The following SRGAP3 variants were observed in gnomAD, a reference collection of about 807,000 sequenced individuals.
The protein encoded by SRGAP3 is SLIT-ROBO Rho GTPase-activating protein 3.
SRGAP3 carries 39 observed loss-of-function variants against 121.1 expected under a neutral mutation model. The ratio of observed to expected loss-of-function variants is 0.32; its 90% CI spans 0.25 to 0.42. The LOEUF is 0.42. Ranked by LOEUF, SRGAP3 falls within the 10% of genes least tolerant of loss-of-function variation. SRGAP3 has a pLI of 1.00. For missense variants in SRGAP3, 1,213 were observed against 1,470.6 expected, an observed-to-expected ratio of 0.82 and a Z score of 2.86; for synonymous variants, 601 against 570.0, an observed-to-expected ratio of 1.05 and a Z score of -0.77.
intron 1 of SRGAP3, among the ~76,000 whole-genome samples, chr3:9,129,655 A>G (rs1021643393): frequency 2.6e-5 from 4 of 151,930 alleles, no homozygotes; most frequent in African/African-American, 9.7e-5. Flanking sequence ...TCTTTCATGC[A>G]TGCCATCTCT....
chr3:9,352,385 T>C (rs2125295289), intron 1 of SRGAP3, among the ~76,000 whole-genome samples: 1 of 151,522 alleles, frequency 6.6e-6, no homozygotes, highest in Admixed American at 6.6e-5. Flanking sequence ...GTGATTCTCC[T>C]GCCTCAGCCT....
chr3:9,114,829 T>C (rs1432496528), intron 2 of SRGAP3, among the ~76,000 whole-genome samples: 1 of 152,246 alleles, frequency 6.6e-6, no homozygotes, highest in Non-Finnish European at 1.5e-5. Flanking sequence ...GTGCCTGTGC[T>C]GTGCAGGTCA....
chr3:9,234,397 C>T (rs1953329870), intron 1 of SRGAP3, among the ~76,000 whole-genome samples: 1 of 152,080 alleles, frequency 6.6e-6, no homozygotes, highest in Non-Finnish European at 1.5e-5. Context: ...AGCCATGTCG[C>T]TTGGCCAGTT....
At chr3:9,046,377 G>A (rs1945279446) in intron 10 of SRGAP3, among the ~76,000 whole-genome samples, 1 of 152,238 alleles carries the variant, frequency 6.6e-6, no homozygotes, top group South Asian at 2.1e-4. Flanking sequence ...CCATGCAGAT[G>A]CAAAGGCCCT....
intron 4 of SRGAP3, among the ~76,000 whole-genome samples, chr3:9,078,513 T>C (rs1947081941): frequency 6.6e-6 from 1 of 151,986 alleles, no homozygotes; most frequent in Non-Finnish European, 1.5e-5. Flanking sequence ...GAGGAGCCAA[T>C]GATAGTGATG....
chr3:9,179,272 G>A (rs1414230683), intron 1 of SRGAP3, among the ~76,000 whole-genome samples: 2 of 152,200 alleles, frequency 1.3e-5, no homozygotes, highest in Non-Finnish European at 2.9e-5. Flanking sequence ...GATGAGATGC[G>A]CAGGTACCAT....
At chr3:9,359,043 C>T (rs536758355) in intron 1 of SRGAP3, among the ~76,000 whole-genome samples, 29 of 152,248 alleles carry the variant, frequency 1.9e-4, no homozygotes, top group South Asian at 1.2e-3. Context: ...ACAGAAAGAA[C>T]ACGGACTTGG....
chr3:9,361,081 T>C (rs1398428466), intron 1 of SRGAP3, among the ~76,000 whole-genome samples: 4 of 152,178 alleles, frequency 2.6e-5, no homozygotes, highest in Non-Finnish European at 5.9e-5. Flanking sequence ...TTTGGAGAAA[T>C]ATCTATTCAA....
chr3:9,111,691 C>T (rs927868657), intron 2 of SRGAP3, among the ~76,000 whole-genome samples: 12 of 152,160 alleles, frequency 7.9e-5, no homozygotes, highest in Non-Finnish European at 1.2e-4. Context: ...TTGTTTGCCC[C>T]TTTGGAAAGT....
chr3:9,226,494 C>T (rs948015870), intron 1 of SRGAP3, among the ~76,000 whole-genome samples: 10 of 152,212 alleles, frequency 6.6e-5, no homozygotes, highest in African/African-American at 2.4e-4. Context: ...TCCTTCAAGA[C>T]AGCTCTAATT....
At chr3:9,076,084 A>G (rs757301780) in intron 4 of SRGAP3, among the ~76,000 whole-genome samples, 3 of 152,170 alleles carry the variant, frequency 2.0e-5, no homozygotes, top group Non-Finnish European at 2.9e-5. Flanking sequence ...CAGAAGCTTG[A>G]AAAGTGCTTG....
intron 10 of SRGAP3, among the ~76,000 whole-genome samples, chr3:9,040,197 T>C (rs775071572): frequency 6.6e-6 from 1 of 152,178 alleles, no homozygotes; most frequent in Non-Finnish European, 1.5e-5. Context: ...AGCCAAGCAA[T>C]CTCTTTAAAC....
chr3:9,052,839 T>A (rs111234431), intron 9 of SRGAP3, among the ~76,000 whole-genome samples, 188 bp downstream of exon 9: 59 of 152,270 alleles, frequency 3.9e-4, no homozygotes, highest in African/African-American at 1.3e-3. Context: ...ATGCTACCCA[T>A]TGGGAATTCA....
At position 8,994,842 on chromosome 3, in the gene SRGAP3, C is replaced by T. The variant is rs138066955; in HGVS notation, c.2228-319G>A. On this transcript the variant is annotated intron_variant, in intron 18 of 21. Coordinates refer to ENST00000383836, the MANE Select transcript of SRGAP3 (RefSeq NM_014850.4). ...AATATTGTAGAATTTTCGTTTTCTT[C>T]CACCCCTTAACACAAGTTCTATTAA... 4.6e-5 allele frequency among the ~76,000 whole-genome samples: 7 copies of T among 152,314 alleles called. No homozygotes were observed. The East Asian group carries it at 1.4e-3, about 29-fold the overall frequency.
At chr3:9,046,280 G>T (rs1006939500) in intron 10 of SRGAP3, among the ~76,000 whole-genome samples, 4 of 152,230 alleles carry the variant, frequency 2.6e-5, no homozygotes, top group African/African-American at 9.6e-5. Flanking sequence ...GATCAGAGTA[G>T]AGTGTGGGGT....
upstream of SRGAP3, among the ~76,000 whole-genome samples, chr3:9,253,953 G>C (rs1465924121): frequency 6.6e-6 from 1 of 152,126 alleles, no homozygotes; most frequent in Non-Finnish European, 1.5e-5. Context: ...TTATAAGGAT[G>C]ACCTTTCCAA....
chr3:9,081,131 C>A, intron 3 of SRGAP3: 1 of 371,822 alleles, frequency 2.7e-6, no homozygotes. Context: ...CTGGCACCCA[C>A]TTGGACATCG....
intron 12 of SRGAP3, among the ~76,000 whole-genome samples, chr3:9,029,967 C>T (rs1944395819): frequency 7.1e-6 from 1 of 140,544 alleles, no homozygotes; most frequent in South Asian, 2.6e-4. Flanking sequence ...ATGGTAAGAT[C>T]CTGTCTCTAC....
intron 1 of SRGAP3, among the ~76,000 whole-genome samples, chr3:9,133,625 A>C (rs6776310): frequency 0.06 from 9,115 of 152,228 alleles, 905 homozygotes; most frequent in African/African-American, 0.21. Context: ...GGTTGTTTAT[A>C]ATCTTTTACT....
Sources: allele counts gnomAD v4.1 joint callset (sites outside exome capture counted in the v4.1 genomes callset), GRCh38; gene constraint gnomAD v4.1.1; transcripts MANE v1.5; gene names NCBI Gene and HGNC (gene_info 2026-07-23, HGNC 2026-07-21).